Variants in PTPRN2 observed in about 807,000 individuals in gnomAD.
PTPRN2 encodes the protein receptor-type tyrosine-protein phosphatase N2.
A neutral mutation model predicts 118.8 loss-of-function variants in PTPRN2; 74 were observed. The observed-to-expected ratio is 0.62, with a 90% CI of 0.52 to 0.76. PTPRN2 has a LOEUF of 0.76. Ranked by LOEUF, PTPRN2 falls within the 30% of genes least tolerant of loss-of-function variation. The pLI is 0.00. For missense variants in PTPRN2, 1,481 were observed against 1,394.4 expected (o/e 1.06, Z -0.99); for synonymous variants, 641 against 608.0 (o/e 1.05, Z -0.80).
intron 11 of PTPRN2, among the ~76,000 whole-genome samples, chr7:158,076,374 C>T (rs1812358770): frequency 6.6e-6 from 1 of 152,202 alleles, no homozygotes; most frequent in Admixed American, 6.5e-5. Context: ...CAGCATGCAG[C>T]TCCACCTGGC....
In PTPRN2 at chr7:158,403,184, C is replaced by T. The variant is rs150330687; in HGVS notation, c.164-86252G>A. 7.7e-4 allele frequency among the ~76,000 whole-genome samples: 118 copies of T among 152,302 alleles called. 1 individual carries two copies. Among genetic ancestry groups the T allele is most frequent in the African/African-American group, 2.7e-3 (111 of 41,550 alleles). On this transcript the variant is annotated intron_variant, in intron 2 of 22. Transcript: ENST00000389418. Reference sequence around the variant, plus strand: ...TGAGCAGACAGAATGCACGTGGGCACGTGGCCAGAGAGAAACCTGCCCCAT... The same window carrying T: ...TGAGCAGACAGAATGCACGTGGGCATGTGGCCAGAGAGAAACCTGCCCCAT...
chr7:158,587,807 G>A lies in PTPRN2; in HGVS notation c.-138C>T. The A allele has an allele frequency of 1.2e-6, 1 of 856,074 alleles. No homozygotes were observed. The highest frequency in any genetic ancestry group is 1.4e-6 in the Non-Finnish European group (1 of 712,502). 53.0% of individuals were successfully genotyped at this position (856,074 alleles called of 1,614,324 possible). A position where few individuals can be genotyped will look rare whatever the true frequency, so the allele number is the denominator to read the frequency against. On this transcript the variant is annotated 5_prime_UTR_variant, in exon 1 of 23. Transcript: ENST00000389418. ...CGCGCTCTTGCGGCGACGCCGGGCC[G>A]AGCTTCAGCACCGGACAGCGCCCGG...
At chr7:158,398,471 T>C (rs1812696747) in intron 2 of PTPRN2, among the ~76,000 whole-genome samples, 1 of 152,210 alleles carries the variant, frequency 6.6e-6, no homozygotes, top group Non-Finnish European at 1.5e-5. Flanking sequence ...ATTGCTAGAA[T>C]GGGGTAAACA....
chr7:158,109,787 G>A (rs536598904), intron 10 of PTPRN2, among the ~76,000 whole-genome samples: 5 of 151,194 alleles, frequency 3.3e-5, no homozygotes, highest in Admixed American at 1.3e-4. Flanking sequence ...AGTGAATGAC[G>A]TTACCCCGGT....
intron 3 of PTPRN2, among the ~76,000 whole-genome samples, chr7:158,303,016 C>A (rs976102085): frequency 6.6e-6 from 1 of 152,098 alleles, no homozygotes; most frequent in African/African-American, 2.4e-5. Flanking sequence ...AAATGTCACA[C>A]TTAGCACTTT....
intron 12 of PTPRN2, among the ~76,000 whole-genome samples, chr7:157,885,796 G>T (rs1189137406): frequency 6.6e-6 from 1 of 152,152 alleles, no homozygotes; most frequent in African/African-American, 2.4e-5. Flanking sequence ...GTGCGACCTG[G>T]CCTGAGTCAG....
At chr7:157,979,108 G>A (rs529651325) in intron 11 of PTPRN2, among the ~76,000 whole-genome samples, 5 of 152,100 alleles carry the variant, frequency 3.3e-5, no homozygotes, top group Admixed American at 6.5e-5. Context: ...TCGCCCCCGC[G>A]GCCCTGGCAG....
Position 158,528,516 on chromosome 7 carries a change from G to A in PTPRN2, c.113-38731C>T, listed in dbSNP as rs190144076. Reference sequence around the variant, plus strand: ...AACCACGCATGCTGGGCCAGGCTCGGTGGCTCACACCTGTAATCCCAGCAC... The same window carrying A: ...AACCACGCATGCTGGGCCAGGCTCGATGGCTCACACCTGTAATCCCAGCAC... On this transcript the variant is annotated intron_variant, in intron 1 of 22. Coordinates refer to ENST00000389418, the MANE Select transcript of PTPRN2 (RefSeq NM_002847.5). Among the ~76,000 whole-genome samples the A allele has an allele frequency of 2.8e-3, 430 of 152,196 alleles. 1 individual carries two copies. Among genetic ancestry groups the A allele is most frequent in the Non-Finnish European group, 4.0e-3 (270 of 67,998 alleles).
chr7:157,987,053 C>G lies in PTPRN2; in HGVS notation c.1724-88316G>C, dbSNP rs1185847037. ...CACTGGAGTAGCTGCCGGTACACAT[C>G]TAGGGAGTGATGATCCCCCTCCACC... On this transcript the variant is annotated intron_variant, in intron 11 of 22. Coordinates refer to ENST00000389418, the MANE Select transcript of PTPRN2 (RefSeq NM_002847.5). The surrounding 1 kb of genome is among the most constrained non-coding windows in gnomAD (Gnocchi z 4.3). Among the ~76,000 whole-genome samples, 1 of 152,140 alleles carries G rather than the reference C, an allele frequency of 6.6e-6. No homozygotes were observed. Among genetic ancestry groups the G allele is most frequent in the Non-Finnish European group, 1.5e-5 (1 of 68,026 alleles).
intron 12 of PTPRN2, among the ~76,000 whole-genome samples, chr7:157,888,024 G>C (rs1026702828): frequency 2.7e-5 from 4 of 147,154 alleles, no homozygotes; most frequent in African/African-American, 9.9e-5. Flanking sequence ...TCTGGGGTGA[G>C]ATGCCACAGG....
intron 2 of PTPRN2, among the ~76,000 whole-genome samples, chr7:158,318,259 GGAAAGGGGGGAGGAGGGA>G (rs1455705401): frequency 3.3e-5 from 5 of 152,224 alleles, no homozygotes; most frequent in Admixed American, 6.5e-5. Flanking sequence ...AGCAGGAGTG[GGAAAGGGGGGAGGAGGGA>G]GAAAGGGGCA....
At chr7:157,907,338 G>A (rs903400882) in intron 11 of PTPRN2, among the ~76,000 whole-genome samples, 4 of 151,958 alleles carry the variant, frequency 2.6e-5, no homozygotes, top group Non-Finnish European at 4.4e-5. Flanking sequence ...GGGTGTCCCG[G>A]GCGGTGGTGT....
rs556607255 is a variant in PTPRN2 at position 158,249,498 on chromosome 7, C to T, written c.278-44225G>A. Among the ~76,000 whole-genome samples, 4 of 151,604 alleles carry T rather than the reference C, an allele frequency of 2.6e-5. No homozygotes were observed. The East Asian group carries it at 5.9e-4, about 22-fold the overall frequency. ...ACCACACCTGCACACACACACCCTG[C>T]ATGCACATGCATCACACACATGCAC... On this transcript the variant is annotated intron_variant, in intron 3 of 22. Coordinates refer to ENST00000389418, the MANE Select transcript of PTPRN2 (RefSeq NM_002847.5).
intron 1 of PTPRN2, among the ~76,000 whole-genome samples, chr7:158,513,261 G>A (rs1466317131): frequency 1.3e-5 from 2 of 152,194 alleles, no homozygotes; most frequent in Non-Finnish European, 2.9e-5. Flanking sequence ...ATCCAGGCCA[G>A]GGGACATTCT....
At chr7:158,190,942 G>A (rs900105809) in intron 5 of PTPRN2, among the ~76,000 whole-genome samples, 22 of 152,388 alleles carry the variant, frequency 1.4e-4, no homozygotes, top group Middle Eastern at 3.4e-3. Flanking sequence ...GGCCAAGGCC[G>A]GGCCTTCCCC....
In PTPRN2 at chr7:157,784,239, T is replaced by C. The variant is rs144900296; in HGVS notation, c.1789-101302A>G. ...CAGCTCGTGAGTCAGCCTGGCCTAG[T>C]TGGAAAGGCACCAACTAGGTCTCAG... is the stretch of plus-strand genomic sequence containing the variant. On this transcript the variant is annotated intron_variant, in intron 12 of 22. Coordinates refer to ENST00000389418, the MANE Select transcript of PTPRN2 (RefSeq NM_002847.5). The surrounding 1 kb of genome is among the most constrained non-coding windows in gnomAD (Gnocchi z 4.6). 6.6e-6 allele frequency among the ~76,000 whole-genome samples: 1 copy of C among 152,146 alleles called. No individual in the cohort carries two copies. The highest frequency in any genetic ancestry group is 1.9e-4 in the East Asian group (1 of 5,146).
intron 9 of PTPRN2, among the ~76,000 whole-genome samples, chr7:158,112,842 G>C (rs768890973): frequency 4.6e-5 from 7 of 151,176 alleles, no homozygotes; most frequent in Non-Finnish European, 7.4e-5. Context: ...TGAGTGCAGA[G>C]GTCAGAGGCC....
At chr7:158,223,101 C>T (rs1446719558) in intron 3 of PTPRN2, among the ~76,000 whole-genome samples, 1 of 152,162 alleles carries the variant, frequency 6.6e-6, no homozygotes, top group Non-Finnish European at 1.5e-5. Flanking sequence ...TCCTTGAAAT[C>T]CACAAGTTAC....
chr7:158,532,799 C>A (rs765589180), intron 1 of PTPRN2: 1 of 534,708 alleles, frequency 1.9e-6, no homozygotes, highest in South Asian at 1.4e-5. Context: ...GTGTTAAATG[C>A]GTGCAGGCTT....
Sources: gnomAD v4.1 joint callset for allele counts (sites outside exome capture counted in the v4.1 genomes callset) on GRCh38, gnomAD v4.1.1 for gene constraint, Gnocchi (gnomAD v3.1) non-coding constraint, MANE v1.5 for transcripts, NCBI Gene and HGNC (gene_info 2026-07-23, HGNC 2026-07-21) for gene names.